The following SLC9A4 variants were observed in gnomAD, a reference collection of about 807,000 sequenced individuals.
The protein encoded by SLC9A4 is sodium/hydrogen exchanger 4.
A neutral mutation model predicts 67.4 loss-of-function variants in SLC9A4; 63 were observed. The ratio of observed to expected loss-of-function variants is 0.93; its 90% CI spans 0.76 to 1.15. The LOEUF (loss-of-function observed/expected upper bound fraction) is 1.15, where lower values mean the gene tolerates loss of function less well. Ranked by LOEUF, SLC9A4 falls within the 50% of genes most tolerant of loss-of-function variation. The pLI, the probability that SLC9A4 is intolerant of heterozygous loss-of-function variation, is 0.00. For synonymous variants in SLC9A4, 393 were observed against 367.2 expected (o/e 1.07, Z -0.80); for missense variants, 1,089 against 987.7 (o/e 1.10, Z -1.38).
intron 1 of SLC9A4, among the ~76,000 whole-genome samples, chr2:102,475,187 T>G (rs1684301883): frequency 6.6e-6 from 1 of 152,240 alleles, no homozygotes; most frequent in Non-Finnish European, 1.5e-5. Flanking sequence ...GGTATACAAG[T>G]AAAAATGGCT....
chr2:102,489,669 T>G (rs1287141126), intron 2 of SLC9A4, among the ~76,000 whole-genome samples: 1 of 152,236 alleles, frequency 6.6e-6, no homozygotes, highest in African/African-American at 2.4e-5. Flanking sequence ...CTCTGTTCGC[T>G]GAACTTAGAA....
chr2:102,487,404 T>G (rs1463902857), intron 2 of SLC9A4, among the ~76,000 whole-genome samples: 1 of 152,136 alleles, frequency 6.6e-6, no homozygotes, highest in Non-Finnish European at 1.5e-5. Context: ...ATCTGACTCC[T>G]AACCTTCCAC....
intron 2 of SLC9A4, among the ~76,000 whole-genome samples, chr2:102,495,628 A>T (rs576631490): frequency 1.9e-4 from 29 of 152,304 alleles, no homozygotes; most frequent in African/African-American, 6.7e-4. Context: ...GATAATTATA[A>T]TAATTCTACA....
At chr2:102,474,048 TC>T in intron 1 of SLC9A4, 33 bp downstream of exon 1, 1 of 1,601,288 alleles carries the variant, frequency 6.2e-7, no homozygotes, top group Non-Finnish European at 8.5e-7. Flanking sequence ...TGGTGAGTTA[TC>T]TTTTTACATA....
intron 2 of SLC9A4, 65 bp downstream of exon 2, chr2:102,479,367 G>A (rs1162885474): frequency 2.0e-6 from 3 of 1,482,934 alleles, no homozygotes; most frequent in Admixed American, 2.0e-5. Context: ...GCTGGGGACC[G>A]GAGGCTGTGG....
rs989470917 is a variant in SLC9A4 at position 102,501,036 on chromosome 2, G to A, written c.721-2412G>A. On this transcript the variant is annotated intron_variant, in intron 2 of 11. Coordinates refer to ENST00000295269, the MANE Select transcript of SLC9A4 (RefSeq NM_001011552.4). ...GTGCAATGGTGCAATCTCAGCTCAC[G>A]GCAACCTCGCCTCTCGGGTTCAAGT... is the stretch of plus-strand genomic sequence containing the variant. Among the ~76,000 whole-genome samples, 4 of 56,348 alleles carry A rather than the reference G, an allele frequency of 7.1e-5. No homozygotes were observed. In the African/African-American group the frequency reaches 7.6e-4, roughly 11 times the overall value. The allele number at this position is 56,348 out of a possible 152,430, so 37.0% of individuals were successfully genotyped here. A position where few individuals can be genotyped will look rare whatever the true frequency, so the allele number is the denominator to read the frequency against.
intron 1 of SLC9A4, among the ~76,000 whole-genome samples, chr2:102,478,300 T>G (rs989249773): frequency 6.6e-6 from 1 of 152,224 alleles, no homozygotes; most frequent in Non-Finnish European, 1.5e-5. Context: ...CAGAGCTGAA[T>G]GCATGAAGGG....
In SLC9A4 at chr2:102,508,143, G is replaced by C. The variant is rs755717876; in HGVS notation, c.1263G>C (p.Gln421His). ...FRTFPFSIKD[Q>H]CIIFYSGVRG... ...CTTTCCCCTTCTCCATCAAGGACCA[G>C]TGCATCATTTTCTACAGTGGTGTTC... The change falls in exon 5 of 12, where the codon CAG becomes CAC. Residue 421 changes from glutamine (Q) to histidine (H), a missense_variant. Physicochemically the swap from Gln to His is conservative, Grantham distance 24. Coordinates refer to ENST00000295269, the MANE Select transcript of SLC9A4 (RefSeq NM_001011552.4). The C allele has an allele frequency of 6.2e-7, 1 of 1,614,044 alleles. No individual in the cohort carries two copies. The highest frequency in any genetic ancestry group is 1.3e-5 in the African/African-American group (1 of 74,902).
rs200050205 is a variant in SLC9A4, at chr2:102,526,364, C to T, written c.2038+18C>T. The T allele has an allele frequency of 3.7e-6, 6 of 1,610,818 alleles. No homozygotes were observed. The highest frequency in any genetic ancestry group is 4.5e-5 in the East Asian group (2 of 44,810). ...GTTCTCAGGTAAGCTGCCCACCTGG[C>T]TGCTCTGCTGCTTTTCTGTAGAGTC... On this transcript the variant is annotated intron_variant, in intron 11 of 11. Transcript: ENST00000295269.
In SLC9A4 at chr2:102,525,620, G is replaced by A. The variant is rs1228452012; in HGVS notation, c.1950+465G>A. Among the ~76,000 whole-genome samples the A allele has an allele frequency of 1.3e-5, 2 of 151,970 alleles. 1 individual carries two copies. The highest frequency in any genetic ancestry group is 3.9e-4 in the East Asian group (2 of 5,086). On this transcript the variant is annotated intron_variant, in intron 10 of 11. Coordinates refer to ENST00000295269, the MANE Select transcript of SLC9A4 (RefSeq NM_001011552.4). ...CCTTCACATCAGCCACTGTGTTCCT[G>A]CACTCTTCCCATTGGAGGCCATAAC...
chr2:102,479,678 A>C (rs955887323), intron 2 of SLC9A4, among the ~76,000 whole-genome samples: 1 of 152,196 alleles, frequency 6.6e-6, no homozygotes, highest in Admixed American at 6.5e-5. Flanking sequence ...CCATCATCAG[A>C]CCTCACTCTT....
At chr2:102,493,446 C>T (rs1364384910) in intron 2 of SLC9A4, among the ~76,000 whole-genome samples, 1 of 151,958 alleles carries the variant, frequency 6.6e-6, no homozygotes, top group South Asian at 2.1e-4. Context: ...AACAAAGTCA[C>T]GTCTTACATG....
intron 8 of SLC9A4, among the ~76,000 whole-genome samples, chr2:102,514,773 G>A (rs1685241977): frequency 6.6e-6 from 1 of 152,176 alleles, no homozygotes; most frequent in Non-Finnish European, 1.5e-5. Flanking sequence ...TAAGGCGAAG[G>A]TCTACATGAG....
intron 2 of SLC9A4, among the ~76,000 whole-genome samples, chr2:102,484,895 T>A (rs1684553345): frequency 6.6e-6 from 1 of 152,128 alleles, no homozygotes; most frequent in Admixed American, 6.5e-5. Context: ...TCTCCCCTCC[T>A]ACTCTTGCTC....
intron 2 of SLC9A4, among the ~76,000 whole-genome samples, chr2:102,486,667 C>T (rs528547085): frequency 3.3e-5 from 5 of 152,280 alleles, no homozygotes; most frequent in Admixed American, 2.6e-4. Flanking sequence ...ACAAGTTGCA[C>T]GATCTTGGGA....
At chr2:102,513,509 A>G (rs1321408003) in intron 7 of SLC9A4, among the ~76,000 whole-genome samples, 1 of 152,218 alleles carries the variant, frequency 6.6e-6, no homozygotes, top group African/African-American at 2.4e-5. Flanking sequence ...GTCAGCGGCC[A>G]TCAGTCTCGC....
At chr2:102,497,715 G>A (rs530853139) in intron 2 of SLC9A4, among the ~76,000 whole-genome samples, 6 of 152,314 alleles carry the variant, frequency 3.9e-5, no homozygotes, top group African/African-American at 1.4e-4. Context: ...ACCTTTCAGG[G>A]TTCTTGGGAT....
rs1340787931 is a variant in SLC9A4, at chr2:102,514,077, T to C, written c.1560-13T>C. ...ACGTTCAAGATTTCCAAAATGTTGG[T>C]TTTCATTTTTAGGTTTAAGAAGTTT... On this transcript the variant is annotated splice_polypyrimidine_tract_variant and intron_variant, in intron 7 of 11. Coordinates refer to ENST00000295269, the MANE Select transcript of SLC9A4 (RefSeq NM_001011552.4). 5 of 1,608,364 alleles carry C rather than the reference T, an allele frequency of 3.1e-6. No individual in the cohort carries two copies. The highest frequency in any genetic ancestry group is 4.2e-6 in the Non-Finnish European group (5 of 1,178,114).
At chr2:102,505,148 T>G in intron 3 of SLC9A4, 106 bp from the exon 4 acceptor site, 1 of 978,264 alleles carries the variant, frequency 1.0e-6, no homozygotes. Flanking sequence ...GAGATATTCC[T>G]GCATCAACAC....
Sources: gnomAD v4.1 joint callset for allele counts (sites outside exome capture counted in the v4.1 genomes callset) on GRCh38, gnomAD v4.1.1 for gene constraint, MANE v1.5 for transcripts, NCBI Gene and HGNC (gene_info 2026-07-23, HGNC 2026-07-21) for gene names.